The following OR51E2 variants were observed in gnomAD, a reference collection of about 807,000 sequenced individuals.
OR51E2 encodes olfactory receptor 51E2.
In OR51E2, 14 loss-of-function variants were observed where a neutral mutation model predicts 13.7. The observed-to-expected ratio is 1.02, with a 90% CI of 0.68 to 1.60. The LOEUF (loss-of-function observed/expected upper bound fraction) is 1.60, where lower values mean the gene tolerates loss of function less well. OR51E2 is among the 40% of genes most tolerant of loss of function. The pLI is 0.00. For missense variants in OR51E2, 483 were observed against 413.8 expected (o/e 1.17, Z -1.45); for synonymous variants, 180 against 157.6 (o/e 1.14, Z -1.07).
chr11:4,686,778 G>T (rs1002905860), intron 1 of OR51E2, among the ~76,000 whole-genome samples: 5 of 151,814 alleles, frequency 3.3e-5, no homozygotes, highest in African/African-American at 9.7e-5. Flanking sequence ...TTTTAGGAAA[G>T]TCCCCAACTC....
At chr11:4,690,137 T>C (rs768984003) in intron 1 of OR51E2, among the ~76,000 whole-genome samples, 1 of 151,158 alleles carries the variant, frequency 6.6e-6, no homozygotes, top group Non-Finnish European at 1.5e-5. Context: ...TGTGGGGGAC[T>C]CTGGAGTCAG....
chr11:4,695,739 T>C (rs1318505062), intron 1 of OR51E2, among the ~76,000 whole-genome samples: 1 of 151,888 alleles, frequency 6.6e-6, no homozygotes, highest in Non-Finnish European at 1.5e-5. Flanking sequence ...CTTGAAACTT[T>C]CTCCTTCATT....
At chr11:4,682,866 T>A (rs1847474121) in intron 1 of OR51E2, 105 bp from the exon 2 acceptor site, 1 of 705,552 alleles carries the variant, frequency 1.4e-6, no homozygotes, top group Non-Finnish European at 2.3e-6. Context: ...TCATAAGCTC[T>A]GAGGCCCTCT....
intron 1 of OR51E2, among the ~76,000 whole-genome samples, chr11:4,692,571 T>C (rs1456928383): frequency 6.6e-6 from 1 of 152,220 alleles, no homozygotes; most frequent in African/African-American, 2.4e-5. Context: ...CATTTCTTTT[T>C]TCATAGAGTA....
At chr11:4,697,270 T>G (rs1847666361) in intron 1 of OR51E2, among the ~76,000 whole-genome samples, 1 of 152,208 alleles carries the variant, frequency 6.6e-6, no homozygotes, top group South Asian at 2.1e-4. Context: ...GTGACCCAGT[T>G]TCCTCATCTA....
At chr11:4,685,210 A>G (rs943978712) in intron 1 of OR51E2, 6 of 152,184 alleles carry the variant, frequency 3.9e-5, no homozygotes, top group African/African-American at 1.4e-4. Context: ...CAGAGGAAAA[A>G]CATCTCCATG....
At chr11:4,690,807 T>C (rs1323585765) in intron 1 of OR51E2, 1 of 434,212 alleles carries the variant, frequency 2.3e-6, no homozygotes, top group Non-Finnish European at 4.5e-6. Flanking sequence ...ACGTATCTGT[T>C]TGGTTTTCAC....
intron 1 of OR51E2, among the ~76,000 whole-genome samples, chr11:4,686,320 G>T (rs1180912490): frequency 1.3e-5 from 2 of 152,170 alleles, no homozygotes; most frequent in Admixed American, 1.3e-4. Flanking sequence ...GAAAGAAACA[G>T]AATTTTCTAT....
chr11:4,687,949 T>C (rs770552882), intron 1 of OR51E2, among the ~76,000 whole-genome samples: 3 of 152,136 alleles, frequency 2.0e-5, no homozygotes, highest in Non-Finnish European at 4.4e-5. Flanking sequence ...ACTTAGGACA[T>C]GCAGGTTGTT....
chr11:4,693,918 G>A (rs919646325), intron 1 of OR51E2, among the ~76,000 whole-genome samples: 8 of 152,066 alleles, frequency 5.3e-5, no homozygotes, highest in African/African-American at 1.2e-4. Context: ...GAGCAGAACC[G>A]TTTTTCAATA....
chr11:4,689,706 G>T (rs1847554962), intron 1 of OR51E2, among the ~76,000 whole-genome samples: 1 of 152,106 alleles, frequency 6.6e-6, no homozygotes, highest in African/African-American at 2.4e-5. Context: ...ATAAGTAAAT[G>T]ACCATAATTC....
At position 4,681,957 on chromosome 11, in the gene OR51E2, A is replaced by C; in HGVS notation, c.755T>G (p.Val252Gly). The C allele has an allele frequency of 6.2e-7, 1 of 1,614,148 alleles. No individual in the cohort carries two copies. ...SHIGVVLAFY[V>G]PLIGLSVVHR... ...TACCACTGAGAGGCCAATAAGTGGC[A>C]CATAGAAGGCGAGTACCACACCAAT... The change falls in exon 2 of 2, where the codon GTG (valine) becomes GGG (glycine). Residue 252 changes from valine (V) to glycine (G), a missense_variant. Physicochemically the swap from Val to Gly is moderately radical, Grantham distance 109. Coordinates refer to ENST00000396950, the MANE Select transcript of OR51E2 (RefSeq NM_030774.4).
At chr11:4,694,696 C>T (rs1267632954) in intron 1 of OR51E2, among the ~76,000 whole-genome samples, 3 of 151,846 alleles carry the variant, frequency 2.0e-5, no homozygotes, top group East Asian at 1.9e-4. Flanking sequence ...TGCCAGACAG[C>T]GTCTATCAGC....
chr11:4,689,245 C>T (rs569121507), intron 1 of OR51E2, among the ~76,000 whole-genome samples: 1 of 152,212 alleles, frequency 6.6e-6, no homozygotes, highest in Non-Finnish European at 1.5e-5. Flanking sequence ...ATAATTCTTA[C>T]AGTACTATAA....
In OR51E2 at chr11:4,695,434, T is replaced by G. The variant is rs150835692; in HGVS notation, c.-51+2219A>C. On this transcript the variant is annotated intron_variant, in intron 1 of 1. Coordinates refer to ENST00000396950, the MANE Select transcript of OR51E2 (RefSeq NM_030774.4). ...TTCATTTCAACCAGGATATATTGAA[T>G]AGTTTTCATAATTAGCCTTGTGCTT... Among the ~76,000 whole-genome samples, 662 of 152,320 alleles carry G rather than the reference T, an allele frequency of 4.3e-3. 13 individuals are homozygous for G. The highest frequency in any genetic ancestry group is 0.01 in the East Asian group (52 of 5,190).
At chr11:4,689,024 G>A (rs952711595) in intron 1 of OR51E2, among the ~76,000 whole-genome samples, 9 of 152,144 alleles carry the variant, frequency 5.9e-5, no homozygotes, top group Admixed American at 2.6e-4. Flanking sequence ...CACAGGCAGT[G>A]GGATAAGTCT....
chr11:4,691,310 G>C (rs774070669), intron 1 of OR51E2: 117 of 457,428 alleles, frequency 2.6e-4, no homozygotes, highest in Admixed American at 4.7e-4. Context: ...CATACCTAAG[G>C]GGATTAGAGA....
Position 4,690,799 on chromosome 11 carries a change from G to A in OR51E2, c.-51+6854C>T, listed in dbSNP as rs550373361. ...TGGAGAATTTTTATCACAGCTCTAC[G>A]TATCTGTTTGGTTTTCACACTGTAG... On this transcript the variant is annotated intron_variant, in intron 1 of 1. Transcript: ENST00000396950. 825 of 431,158 alleles carry A rather than the reference G, an allele frequency of 1.9e-3. 9 individuals are homozygous for A. The highest frequency in any genetic ancestry group is 0.013 in the South Asian group (785 of 58,908). 26.7% of individuals were successfully genotyped at this position (431,158 alleles called of 1,614,324 possible).
At position 4,680,263 on chromosome 11, in the gene OR51E2, A is replaced by G. The variant is rs886438552; in HGVS notation, c.*1486T>C. The G allele has an allele frequency of 1.3e-5, 2 of 152,260 alleles. No homozygotes were observed. The highest frequency in any genetic ancestry group is 4.8e-5 in the African/African-American group (2 of 41,470). The allele number at this position is 152,260 out of a possible 1,614,324, so 9.4% of individuals were successfully genotyped here. A position where few individuals can be genotyped will look rare whatever the true frequency, so the allele number is the denominator to read the frequency against. The stretch of plus-strand genomic sequence containing the variant: ...AAAATTTTTGACAGGTACAGAGCAC[A>G]TTAAAAAATGAAGACATGATCAAGG... On this transcript the variant is annotated 3_prime_UTR_variant, in exon 2 of 2. Transcript: ENST00000396950.
Sources: gnomAD v4.1 joint callset for allele counts (sites outside exome capture counted in the v4.1 genomes callset) on GRCh38, gnomAD v4.1.1 for gene constraint, MANE v1.5 for transcripts, NCBI Gene and HGNC (gene_info 2026-07-23, HGNC 2026-07-21) for gene names.